The following MTREX variants were observed in gnomAD, a reference collection of about 807,000 sequenced individuals.
MTREX encodes Mtr4 exosome RNA helicase.
Under a neutral mutation model 135.4 loss-of-function variants are expected in MTREX, and 76 were observed. The observed-to-expected ratio is 0.56, with a 90% CI of 0.47 to 0.68. The LOEUF (loss-of-function observed/expected upper bound fraction) is 0.68. Among genes scored for constraint, MTREX ranks in the 30% least tolerant of loss-of-function variants. MTREX has a pLI of 0.00. For missense variants in MTREX, 920 were observed against 1,262.1 expected, an observed-to-expected ratio of 0.73 and a Z score of 4.11; for synonymous variants, 404 against 401.6, an observed-to-expected ratio of 1.01 and a Z score of -0.07.
chr5:55,338,181 C>T (rs925826732), intron 5 of MTREX, among the ~76,000 whole-genome samples: 11 of 152,126 alleles, frequency 7.2e-5, no homozygotes, highest in African/African-American at 2.7e-4. Flanking sequence ...TATGGTATTG[C>T]TTCCTTTTAG....
chr5:55,345,122 C>A lies in MTREX; in HGVS notation c.1034C>A (p.Thr345Asn), dbSNP rs780541020. 6.2e-7 allele frequency: 1 copy of A among 1,613,266 alleles called. No individual in the cohort carries two copies. The highest frequency in any genetic ancestry group is 8.5e-7 in the Non-Finnish European group (1 of 1,179,556). Residue 345 changes from threonine (T) to asparagine (N), a missense_variant, in exon 10 of 27, where the codon ACT becomes AAT. By Grantham distance (65) the Thr-to-Asn change is moderately conservative. This residue lies in a region of MTREX where 88 missense variants were observed against 202.5 expected (regional missense o/e 0.43). Transcript: ENST00000230640. ...GACTTCAGAGAAGATAATTTTAATACTGCAATGCAAGTGCTTCGAGATGCA... is the reference window on the plus strand; with the variant it reads ...GACTTCAGAGAAGATAATTTTAATAATGCAATGCAAGTGCTTCGAGATGCA... ...NGDFREDNFN[T>N]AMQVLRDAGD...
intron 18 of MTREX, among the ~76,000 whole-genome samples, chr5:55,383,386 C>T (rs982668830): frequency 6.6e-6 from 1 of 152,058 alleles, no homozygotes; most frequent in Non-Finnish European, 1.5e-5. Flanking sequence ...AGTTTTTAGT[C>T]TATCTGAAAA....
Position 55,410,306 on chromosome 5 carries a change from G to C in MTREX, c.2646-218G>C, listed in dbSNP as rs1341395516. ...CACGAATGTGTGCATTTTGATATTTGGAATCTTTATGTGAAATCCCCATTT... is the reference window on the plus strand; with the variant it reads ...CACGAATGTGTGCATTTTGATATTTCGAATCTTTATGTGAAATCCCCATTT... On this transcript the variant is annotated intron_variant, in intron 22 of 26. Transcript: ENST00000230640. Among the ~76,000 whole-genome samples the C allele has an allele frequency of 2.0e-5, 3 of 151,914 alleles. No homozygotes were observed. In the East Asian group the frequency reaches 5.8e-4, roughly 29 times the overall value.
chr5:55,420,637 T>G (rs1021495034), intron 25 of MTREX, among the ~76,000 whole-genome samples: 7 of 152,194 alleles, frequency 4.6e-5, no homozygotes, highest in African/African-American at 1.7e-4. Flanking sequence ...ATAATTTCAC[T>G]TATATGAAAT....
chr5:55,402,202 C>T lies in MTREX; in HGVS notation c.2481+1781C>T, dbSNP rs375624326. 9.2e-5 allele frequency among the ~76,000 whole-genome samples: 14 copies of T among 152,340 alleles called. No homozygotes were observed. In the East Asian group the frequency reaches 2.1e-3, roughly 23 times the overall value. On this transcript the variant is annotated intron_variant, in intron 21 of 26. Coordinates refer to ENST00000230640, the MANE Select transcript of MTREX (RefSeq NM_015360.5). ...ATACTGGCTGCATGCTCAGTGAACA[C>T]ATCTATGCTCTGACCCACCTTCAAG...
At chr5:55,412,004 T>C (rs1408093289) in intron 23 of MTREX, among the ~76,000 whole-genome samples, 2 of 152,150 alleles carry the variant, frequency 1.3e-5, no homozygotes, top group Non-Finnish European at 1.5e-5. Context: ...AAGCCAATTA[T>C]ATTCCCTCTT....
intron 3 of MTREX, among the ~76,000 whole-genome samples, chr5:55,325,827 A>G (rs1278888929): frequency 6.6e-6 from 1 of 152,024 alleles, no homozygotes; most frequent in Non-Finnish European, 1.5e-5. Context: ...CTTTATGTCC[A>G]TGTGTACCCT....
At chr5:55,416,203 A>AACAAGTAT (rs1417505809) in intron 25 of MTREX, 71 bp downstream of exon 25, 1 of 949,168 alleles carries the variant, frequency 1.1e-6, no homozygotes, top group Non-Finnish European at 1.5e-6. Flanking sequence ...GTTTTAATTA[A>AACAAGTAT]ACAAGTATAA....
At chr5:55,363,005 G>T (rs891025358) in intron 15 of MTREX, among the ~76,000 whole-genome samples, 23 of 152,084 alleles carry the variant, frequency 1.5e-4, no homozygotes, top group Non-Finnish European at 2.5e-4. Flanking sequence ...TAGTTACTTA[G>T]AGTACATAAA....
At chr5:55,397,590 G>T in intron 20 of MTREX, 64 bp downstream of exon 20, 1 of 1,008,718 alleles carries the variant, frequency 9.9e-7, no homozygotes, top group Non-Finnish European at 1.5e-6. Context: ...TTTATAAAGA[G>T]GCAACTGAAA....
At chr5:55,315,817 G>A (rs1749189326) in intron 1 of MTREX, among the ~76,000 whole-genome samples, 1 of 151,604 alleles carries the variant, frequency 6.6e-6, no homozygotes, top group Non-Finnish European at 1.5e-5. Context: ...CAGCTAGTAG[G>A]GAGGCTGGGG....
Position 55,425,207 on chromosome 5 carries a change from C to T in MTREX, c.*435C>T. ...TTCACCTGGGCACCCTGCTGCCTTT[C>T]AAGGCTGGTGATTGCTCGGATAGTG... On this transcript the variant is annotated 3_prime_UTR_variant, in exon 27 of 27. Transcript: ENST00000230640. The T allele has an allele frequency of 6.2e-7, 1 of 1,612,820 alleles. No individual in the cohort carries two copies.
intron 25 of MTREX, among the ~76,000 whole-genome samples, chr5:55,419,751 C>T (rs1751024653): frequency 3.9e-5 from 6 of 152,190 alleles, no homozygotes; most frequent in Admixed American, 3.9e-4. Context: ...TCTCTTGAAA[C>T]TATTTACTGT....
chr5:55,371,749 G>GT (rs199893884), intron 16 of MTREX, among the ~76,000 whole-genome samples: 12 of 151,260 alleles, frequency 7.9e-5, no homozygotes, highest in Admixed American at 2.6e-4. Flanking sequence ...CATAAAACCA[G>GT]TTTTTTTTTA....
intron 21 of MTREX, among the ~76,000 whole-genome samples, chr5:55,403,794 A>G (rs1750759064): frequency 6.6e-6 from 1 of 152,224 alleles, no homozygotes; most frequent in African/African-American, 2.4e-5. Context: ...AGAAATATAA[A>G]TAATCACTAA....
intron 19 of MTREX, among the ~76,000 whole-genome samples, chr5:55,389,644 G>A (rs1055548693): frequency 6.6e-6 from 1 of 152,120 alleles, no homozygotes; most frequent in Admixed American, 6.5e-5. Flanking sequence ...TAACAAACTT[G>A]TAGGAACATG....
intron 23 of MTREX, among the ~76,000 whole-genome samples, chr5:55,410,985 G>A (rs754831771): frequency 1.3e-5 from 2 of 152,196 alleles, no homozygotes; most frequent in Non-Finnish European, 2.9e-5. Flanking sequence ...AGGGGGAAGT[G>A]AGGTTGAATT....
At position 55,394,768 on chromosome 5, in the gene MTREX, C is replaced by T. The variant is rs536787472; in HGVS notation, c.2182-2648C>T. ...TAGTAAAGGGCCGGGCGTGGTGGCTCACACCTGTAATCCCAGCATTTTGGG... is the reference window on the plus strand; with the variant it reads ...TAGTAAAGGGCCGGGCGTGGTGGCTTACACCTGTAATCCCAGCATTTTGGG... On this transcript the variant is annotated intron_variant, in intron 19 of 26. Coordinates refer to ENST00000230640, the MANE Select transcript of MTREX (RefSeq NM_015360.5). 3.3e-5 allele frequency among the ~76,000 whole-genome samples: 5 copies of T among 152,214 alleles called. No homozygotes were observed. The South Asian group carries it at 1.0e-3, about 32-fold the overall frequency.
chr5:55,410,545 T>C lies in MTREX; in HGVS notation c.2667T>C (p.Thr889=). 3 of 1,609,656 alleles carry C rather than the reference T, an allele frequency of 1.9e-6. No individual in the cohort carries two copies. Among genetic ancestry groups the C allele is most frequent in the Non-Finnish European group, 2.5e-6 (3 of 1,177,042 alleles). Residue 889 remains threonine, a synonymous_variant, in exon 23 of 27, where the codon ACT becomes ACC. Coordinates refer to ENST00000230640, the MANE Select transcript of MTREX (RefSeq NM_015360.5). ...EISSADELLL[T]EMMFNGLFND... ...GTAGTGCTGATGAGCTCCTTCTAAC[T>C]GAGATGATGTTTAATGGCCTTTTCA...
Sources: allele counts gnomAD v4.1 joint callset (sites outside exome capture counted in the v4.1 genomes callset), GRCh38; gene constraint gnomAD v4.1.1; regional missense constraint gnomAD v4.1.1; transcripts MANE v1.5; gene names NCBI Gene and HGNC (gene_info 2026-07-23, HGNC 2026-07-21).